PTCHD4: variants seen among roughly 807,000 people sequenced by gnomAD.
PTCHD4 encodes patched domain-containing protein 4.
In PTCHD4, 33 loss-of-function variants were observed where a neutral mutation model predicts 58.1. The ratio of observed to expected loss-of-function variants is 0.57; its 90% confidence interval spans 0.43 to 0.76. The LOEUF (loss-of-function observed/expected upper bound fraction) is 0.76. PTCHD4 is among the 30% of genes least tolerant of loss of function. The pLI is 0.00. For missense variants in PTCHD4, 1,058 were observed against 1,027.1 expected (o/e 1.03, Z -0.41); for synonymous variants, 478 against 409.6 (o/e 1.17, Z -2.02).
At chr6:48,049,022 CAA>C (rs942408950) in intron 3 of PTCHD4, among the ~76,000 whole-genome samples, 1 of 151,914 alleles carries the variant, frequency 6.6e-6, no homozygotes, top group African/African-American at 2.4e-5. Context: ...AGATGAGGTA[CAA>C]AGACGATTTT....
rs1202315574 is a variant in PTCHD4 at position 47,872,098 on chromosome 6, G to A, written c.*6205C>T. Among the ~76,000 whole-genome samples, 1 of 151,240 alleles carries A rather than the reference G, an allele frequency of 6.6e-6. No homozygotes were observed. Among genetic ancestry groups the A allele is most frequent in the Non-Finnish European group, 1.5e-5 (1 of 67,640 alleles). ...AGTGAATTCATCAGATAAAATGATA[G>A]AAGGTGTTTCCGTGTCCAGGGAGAG... is the stretch of plus-strand genomic sequence containing the variant. On this transcript the variant is annotated 3_prime_UTR_variant, in exon 5 of 5. Transcript: ENST00000339488.
chr6:48,032,075 A>ATTTT (rs572807864), intron 3 of PTCHD4, among the ~76,000 whole-genome samples: 1 of 149,466 alleles, frequency 6.7e-6, no homozygotes, highest in Non-Finnish European at 1.5e-5. Flanking sequence ...AACCCCAGGC[A>ATTTT]TTTTTTTTTT....
At chr6:48,040,149 G>A (rs1327298198) in intron 3 of PTCHD4, among the ~76,000 whole-genome samples, 7 of 152,068 alleles carry the variant, frequency 4.6e-5, no homozygotes, top group African/African-American at 1.7e-4. Flanking sequence ...TTAGGTACAT[G>A]CATGAGTTAA....
At chr6:48,092,902 T>C (rs1213801536) in intron 1 of PTCHD4, among the ~76,000 whole-genome samples, 1 of 152,200 alleles carries the variant, frequency 6.6e-6, no homozygotes, top group Non-Finnish European at 1.5e-5. Context: ...TCATGTATCA[T>C]GGTCTTGTTT....
intron 1 of PTCHD4, among the ~76,000 whole-genome samples, chr6:48,095,046 A>C (rs1002323109): frequency 6.6e-6 from 1 of 152,172 alleles, no homozygotes; most frequent in Non-Finnish European, 1.5e-5. Context: ...ACAGATTATA[A>C]ATGGACATGA....
intron 4 of PTCHD4, among the ~76,000 whole-genome samples, chr6:47,898,267 C>A (rs1337271022): frequency 6.6e-6 from 1 of 152,108 alleles, no homozygotes; most frequent in Admixed American, 6.5e-5. Context: ...TTCAAAACAT[C>A]ATTCTATATT....
In PTCHD4 at chr6:47,874,262, G is replaced by T. The variant is rs1350192074; in HGVS notation, c.*4041C>A. Among the ~76,000 whole-genome samples, 3 of 151,672 alleles carry T rather than the reference G, an allele frequency of 2.0e-5. No homozygotes were observed. The highest frequency in any genetic ancestry group is 7.3e-5 in the African/African-American group (3 of 41,364). On this transcript the variant is annotated 3_prime_UTR_variant, in exon 5 of 5. Coordinates refer to ENST00000339488, the MANE Select transcript of PTCHD4 (RefSeq NM_001384253.1). ...GCAATTCTTAAATTGCTTACCTGGG[G>T]ATGGAACTTTCTGTGGACTTTAGGC...
intron 4 of PTCHD4, among the ~76,000 whole-genome samples, chr6:47,992,990 TTAGA>T (rs778424665): frequency 6.6e-6 from 1 of 152,116 alleles, no homozygotes; most frequent in African/African-American, 2.4e-5. Context: ...GGACAGCAAA[TTAGA>T]TAGAAGCCTG....
intron 4 of PTCHD4, among the ~76,000 whole-genome samples, chr6:47,944,600 A>G (rs966424470): frequency 2.0e-5 from 3 of 152,126 alleles, no homozygotes; most frequent in Non-Finnish European, 2.9e-5. Flanking sequence ...GAAAACCTCC[A>G]TTTAAATAAC....
intron 3 of PTCHD4, among the ~76,000 whole-genome samples, chr6:48,018,413 A>G (rs1298024640): frequency 1.3e-5 from 2 of 152,250 alleles, no homozygotes; most frequent in Non-Finnish European, 2.9e-5. Flanking sequence ...AAAAAATAAA[A>G]GAAATAAAAA....
At chr6:47,922,283 G>A (rs1256954735) in intron 4 of PTCHD4, among the ~76,000 whole-genome samples, 1 of 152,164 alleles carries the variant, frequency 6.6e-6, no homozygotes, top group Non-Finnish European at 1.5e-5. Flanking sequence ...GTTCCTGGAA[G>A]AAATCATGAA....
intron 3 of PTCHD4, among the ~76,000 whole-genome samples, chr6:48,047,868 C>T (rs1044764642): frequency 8.6e-5 from 13 of 151,748 alleles, no homozygotes; most frequent in African/African-American, 2.4e-4. Flanking sequence ...AATAAATCTT[C>T]GTTGTTTAAG....
At chr6:47,891,045 TAAA>T (rs59150823) in intron 4 of PTCHD4, 6 of 126,020 alleles carry the variant, frequency 4.8e-5, no homozygotes, top group Non-Finnish European at 9.7e-5. Context: ...TTGCATCAAC[TAAA>T]AAAAAAAAAA....
intron 4 of PTCHD4, among the ~76,000 whole-genome samples, chr6:47,956,944 A>T (rs899783777): frequency 6.6e-6 from 1 of 151,944 alleles, no homozygotes; most frequent in Non-Finnish European, 1.5e-5. Flanking sequence ...AGGGCAGCTC[A>T]CTTGAGGTCA....
At position 47,859,708 on chromosome 6, in the gene PTCHD4, C is replaced by T. The variant is rs994848624; in HGVS notation, c.*18595G>A. Among the ~76,000 whole-genome samples, 1 of 151,906 alleles carries T rather than the reference C, an allele frequency of 6.6e-6. No homozygotes were observed. Among genetic ancestry groups the T allele is most frequent in the African/African-American group, 2.4e-5 (1 of 41,376 alleles). On this transcript the variant is annotated 3_prime_UTR_variant, in exon 5 of 5. Coordinates refer to ENST00000339488, the MANE Select transcript of PTCHD4 (RefSeq NM_001384253.1). ...GACAGACAATAAACAAATCCCATGACAAATATGAAAGAAGGGAGGAGATTT... is the reference window on the plus strand; with the variant it reads ...GACAGACAATAAACAAATCCCATGATAAATATGAAAGAAGGGAGGAGATTT...
chr6:48,072,072 C>T (rs1441892702), intron 1 of PTCHD4, among the ~76,000 whole-genome samples: 2 of 152,190 alleles, frequency 1.3e-5, no homozygotes, highest in African/African-American at 4.8e-5. Context: ...GGTTTCTCCA[C>T]TGTAAAGTTA....
chr6:48,054,862 TAGGA>T (rs1201217081), intron 3 of PTCHD4, among the ~76,000 whole-genome samples: 1 of 152,182 alleles, frequency 6.6e-6, no homozygotes, highest in African/African-American at 2.4e-5. Flanking sequence ...CCAATGATGT[TAGGA>T]TTCTGAGTTT....
At chr6:48,053,439 C>A (rs1764302791) in intron 3 of PTCHD4, among the ~76,000 whole-genome samples, 1 of 152,052 alleles carries the variant, frequency 6.6e-6, no homozygotes, top group Non-Finnish European at 1.5e-5. Context: ...CACAAACAAA[C>A]AATGACCATC....
At chr6:48,026,633 C>A (rs942479745) in intron 3 of PTCHD4, among the ~76,000 whole-genome samples, 1 of 152,024 alleles carries the variant, frequency 6.6e-6, no homozygotes, top group East Asian at 1.9e-4. Flanking sequence ...GCTTTAGGTC[C>A]CCTATGCTCC....
Sources: allele counts gnomAD v4.1 joint callset (sites outside exome capture counted in the v4.1 genomes callset), GRCh38; gene constraint gnomAD v4.1.1; transcripts MANE v1.5; gene names NCBI Gene and HGNC (gene_info 2026-07-23, HGNC 2026-07-21).